The following RNF138 variants were observed in gnomAD, a reference collection of about 807,000 sequenced individuals.
RNF138 encodes the protein E3 ubiquitin-protein ligase RNF138.
Under a neutral mutation model 31.0 loss-of-function variants are expected in RNF138, and 12 were observed. The observed-to-expected ratio is 0.39, with a 90% CI of 0.25 to 0.63. The LOEUF (loss-of-function observed/expected upper bound fraction) is 0.63. Among genes scored for constraint, RNF138 ranks in the 20% least tolerant of loss-of-function variants. The probability of loss-of-function intolerance (pLI) is 0.52; values close to 1 mark genes in which losing one functional copy is unlikely to be tolerated. For synonymous variants in RNF138, 105 were observed against 99.5 expected, an observed-to-expected ratio of 1.06 and a Z score of -0.33; for missense variants, 192 against 300.1, an observed-to-expected ratio of 0.64 and a Z score of 2.66.
chr18:32,125,217 G>T (rs1568241238), intron 6 of RNF138: 1 of 164,300 alleles, frequency 6.1e-6, no homozygotes, highest in African/African-American at 2.4e-5. Flanking sequence ...TGCTGTAGGT[G>T]AAAATACCTG....
chr18:32,125,154 G>A (rs2040364870), intron 6 of RNF138: 1 of 211,214 alleles, frequency 4.7e-6, no homozygotes, highest in African/African-American at 2.3e-5. Flanking sequence ...GTCTATTGAG[G>A]CCTCAGTTAC....
chr18:32,109,133 G>T (rs537741888), intron 2 of RNF138, among the ~76,000 whole-genome samples: 3 of 150,018 alleles, frequency 2.0e-5, no homozygotes, highest in African/African-American at 4.9e-5. Context: ...ATTTCCCACC[G>T]TTTTCATTTT....
At chr18:32,108,725 A>G (rs562617304) in intron 2 of RNF138, among the ~76,000 whole-genome samples, 396 of 152,194 alleles carry the variant, frequency 2.6e-3, no homozygotes, top group Non-Finnish European at 4.1e-3. Context: ...TAGAAGGGTA[A>G]TGGAGTGATC....
Position 32,129,631 on chromosome 18 carries a change from CTTGAAGTGCTAAATGGAAT to C in RNF138, c.*445_*463del, listed in dbSNP as rs2040441571. ...TATTATTAGAGTTGCAGAATAGAAA[CTTGAAGTGCTAAATGGAAT>C]AATCCAAAGGAAATTTTTTAAATGC... On this transcript the variant is annotated 3_prime_UTR_variant, in exon 8 of 8. Transcript: ENST00000261593. 6.5e-6 allele frequency: 1 copy of C among 153,280 alleles called. No individual in the cohort carries two copies. Among genetic ancestry groups the C allele is most frequent in the African/African-American group, 2.4e-5 (1 of 41,446 alleles). The allele number at this position is 153,280 out of a possible 1,614,324, so 9.5% of individuals were successfully genotyped here.
chr18:32,113,082 A>AT (rs886971510), intron 3 of RNF138, among the ~76,000 whole-genome samples: 13 of 151,878 alleles, frequency 8.6e-5, no homozygotes, highest in Admixed American at 7.2e-4. Flanking sequence ...TGGCAACTTA[A>AT]TTTTTTTTGA....
chr18:32,114,818 T>G (rs150262636), intron 4 of RNF138, among the ~76,000 whole-genome samples: 3 of 152,216 alleles, frequency 2.0e-5, no homozygotes, highest in Non-Finnish European at 4.4e-5. Context: ...TAACCGCCCT[T>G]AAGCACTTCA....
intron 2 of RNF138, among the ~76,000 whole-genome samples, chr18:32,104,933 A>G (rs532851265): frequency 6.6e-6 from 1 of 152,312 alleles, no homozygotes; most frequent in African/African-American, 2.4e-5. Context: ...AACTAAGAAA[A>G]TATTTGAAAA....
At chr18:32,123,646 A>G in intron 5 of RNF138, 72 bp downstream of exon 5, 2 of 1,061,874 alleles carry the variant, frequency 1.9e-6, no homozygotes, top group Non-Finnish European at 2.7e-6. Flanking sequence ...AGCTTTTTAA[A>G]TTAAACTTTT....
intron 2 of RNF138, among the ~76,000 whole-genome samples, chr18:32,104,658 C>T (rs540851121): frequency 2.0e-5 from 3 of 152,162 alleles, no homozygotes; most frequent in Admixed American, 6.5e-5. Flanking sequence ...AGAAGAAAAA[C>T]GTCACTTACA....
At chr18:32,127,334 G>T (rs2040400035) in intron 7 of RNF138, among the ~76,000 whole-genome samples, 1 of 152,126 alleles carries the variant, frequency 6.6e-6, no homozygotes, top group South Asian at 2.1e-4. Context: ...GGATTAATTT[G>T]TACTTCTAAA....
At chr18:32,097,822 CTAAT>C (rs1261816319) in intron 2 of RNF138, among the ~76,000 whole-genome samples, 13 of 151,720 alleles carry the variant, frequency 8.6e-5, no homozygotes, top group African/African-American at 3.1e-4. Context: ...TATCCTCGGC[CTAAT>C]TAATTAATTT....
intron 4 of RNF138, among the ~76,000 whole-genome samples, chr18:32,123,133 A>G (rs2040332291): frequency 6.6e-6 from 1 of 152,154 alleles, no homozygotes; most frequent in African/African-American, 2.4e-5. Flanking sequence ...TTTGAAGTAA[A>G]AAAGTTCACA....
intron 2 of RNF138, among the ~76,000 whole-genome samples, chr18:32,106,793 C>T (rs2040037019): frequency 6.6e-6 from 1 of 151,984 alleles, no homozygotes; most frequent in South Asian, 2.1e-4. Context: ...ATCTTGATTT[C>T]CTGACCTCGT....
chr18:32,116,726 A>AT (rs2040222386), intron 4 of RNF138, among the ~76,000 whole-genome samples: 2 of 149,382 alleles, frequency 1.3e-5, no homozygotes, highest in African/African-American at 4.9e-5. Context: ...TAATTTTTTG[A>AT]TTTTTTGGGG....
At chr18:32,098,630 A>G (rs925109186) in intron 2 of RNF138, among the ~76,000 whole-genome samples, 1 of 152,080 alleles carries the variant, frequency 6.6e-6, no homozygotes, top group Non-Finnish European at 1.5e-5. Flanking sequence ...AGGCAGGCGG[A>G]TCACAAGGTC....
At chr18:32,120,997 A>G (rs558253941) in intron 4 of RNF138, among the ~76,000 whole-genome samples, 1 of 151,996 alleles carries the variant, frequency 6.6e-6, no homozygotes, top group African/African-American at 2.4e-5. Context: ...TTAGCCAGGC[A>G]TGGTGGCATG....
In RNF138 at chr18:32,097,093, AGC is replaced by A. The variant is rs1414609826; in HGVS notation, c.110+4208_110+4209del. On this transcript the variant is annotated intron_variant, in intron 2 of 7. Coordinates refer to ENST00000261593, the MANE Select transcript of RNF138 (RefSeq NM_016271.5). ...ATATGAAAGTTGAGCAGGTAGTCAA[AGC>A]AAGGCTTCAGAAGAAAGTACAGACT... Among the ~76,000 whole-genome samples the A allele has an allele frequency of 2.0e-5, 3 of 152,360 alleles. No individual in the cohort carries two copies. The East Asian group carries it at 5.8e-4, about 29-fold the overall frequency.
At chr18:32,122,320 AAAC>A (rs754631199) in intron 4 of RNF138, 1 of 152,190 alleles carries the variant, frequency 6.6e-6, no homozygotes, top group Non-Finnish European at 1.5e-5. Flanking sequence ...TTATGAAAGT[AAAC>A]AGAAAAGAAA....
chr18:32,092,824 C>A lies in RNF138; in HGVS notation c.48C>A (p.Phe16Leu). The change falls in exon 2 of 8, where the codon TTC becomes TTA. Residue 16 changes from phenylalanine (F) to leucine (L), a missense_variant. By Grantham distance (22) the Phe-to-Leu change is conservative (BLOSUM62 0). Coordinates refer to ENST00000261593, the MANE Select transcript of RNF138 (RefSeq NM_016271.5). ...CCACGTCCTACACCGAAGATGATTT[C>A]TACTGCCCCGTCTGTCAGGAGGTGC... ...SAATSYTEDD[F>L]YCPVCQEVLK... The A allele has an allele frequency of 6.2e-7, 1 of 1,600,484 alleles. No individual in the cohort carries two copies. The highest frequency in any genetic ancestry group is 8.5e-7 in the Non-Finnish European group (1 of 1,175,742).
Sources: gnomAD v4.1 joint callset for allele counts (sites outside exome capture counted in the v4.1 genomes callset) on GRCh38, gnomAD v4.1.1 for gene constraint, MANE v1.5 for transcripts, NCBI Gene and HGNC (gene_info 2026-07-23, HGNC 2026-07-21) for gene names.